Variants in NRXN1 observed in about 807,000 individuals in gnomAD.
The protein encoded by NRXN1 is neurexin 1, also known as neurexin-1.
A neutral mutation model predicts 150.9 loss-of-function variants in NRXN1; 39 were observed. That is an observed-to-expected ratio of 0.26 (90% CI 0.20 to 0.34). The LOEUF (loss-of-function observed/expected upper bound fraction) is 0.34, where lower values mean the gene tolerates loss of function less well. Ranked by LOEUF, NRXN1 falls within the 10% of genes least tolerant of loss-of-function variation. NRXN1 has a pLI of 1.00. For missense variants in NRXN1, 1,815 were observed against 1,949.9 expected (o/e 0.93, Z 1.30); for synonymous variants, 924 against 757.0 (o/e 1.22, Z -3.62).
At chr2:50,312,636 G>A (rs967617800) in intron 17 of NRXN1, 4 of 462,180 alleles carry the variant, frequency 8.7e-6, no homozygotes, top group African/African-American at 7.9e-5. Flanking sequence ...TAAACCTGAG[G>A]TATGTTTTGG....
chr2:50,247,013 A>G (rs2066562009), intron 17 of NRXN1, among the ~76,000 whole-genome samples: 1 of 152,094 alleles, frequency 6.6e-6, no homozygotes, highest in Non-Finnish European at 1.5e-5. Context: ...TTCAATGATG[A>G]ATACCATAAG....
chr2:50,720,121 C>A (rs1696439491), intron 5 of NRXN1, among the ~76,000 whole-genome samples: 2 of 152,090 alleles, frequency 1.3e-5, no homozygotes, highest in African/African-American at 4.8e-5. Context: ...ATCTGTCCAG[C>A]AAGTGGTCTG....
In NRXN1 at chr2:50,497,835, T is replaced by A. The variant is rs539320256; in HGVS notation, c.2498-121A>T. On this transcript the variant is annotated intron_variant, in intron 13 of 22. Transcript: ENST00000401669. ...GCCAAATCCCTCCTTGGTACTCAGT[T>A]GCATATAGGAAGAACACTTAAATGA... The A allele has an allele frequency of 3.6e-6, 3 of 825,256 alleles. No individual in the cohort carries two copies. In the South Asian group the frequency reaches 5.8e-5, roughly 16 times the overall value. The allele number at this position is 825,256 out of a possible 1,614,324, so 51.1% of individuals were successfully genotyped here. A position where few individuals can be genotyped will look rare whatever the true frequency, so the allele number is the denominator to read the frequency against.
rs183440866 is a variant in NRXN1 at position 50,053,292 on chromosome 2, C to T, written c.4107G>A (p.Pro1369=). ...TCACCTGGCTAATGGGTTCTTTTGT[C>T]GGGGGCTTTCCTCTTCTGGCTGTGC... ...ATSTARRGKP[P]TKEPISQTTD... is the part of the protein sequence containing the mutation. The change falls in exon 21 of 23, where the codon CCG becomes CCA. Residue 1369 remains proline (P), a synonymous_variant. Coordinates refer to ENST00000401669, the MANE Select transcript of NRXN1 (RefSeq NM_001330078.2). 139 of 1,613,900 alleles carry T rather than the reference C, an allele frequency of 8.6e-5. No individual in the cohort carries two copies. In the African/African-American group the frequency reaches 1.5e-3, roughly 17 times the overall value.
At chr2:49,945,787 T>C (rs529104018) in intron 21 of NRXN1, among the ~76,000 whole-genome samples, 74 of 152,332 alleles carry the variant, frequency 4.9e-4, no homozygotes, top group South Asian at 1.4e-3. Context: ...CAGTCTATCA[T>C]TGATGAGCAT....
intron 5 of NRXN1, among the ~76,000 whole-genome samples, chr2:50,664,439 G>GTGTGT (rs56969621): frequency 1.4e-5 from 2 of 145,036 alleles, no homozygotes; most frequent in African/African-American, 5.1e-5. Flanking sequence ...GTGTGTGTGT[G>GTGTGT]GCGTGGCGGG....
intron 17 of NRXN1, among the ~76,000 whole-genome samples, chr2:50,262,850 C>G (rs940843210): frequency 6.6e-6 from 1 of 151,916 alleles, no homozygotes; most frequent in African/African-American, 2.4e-5. Flanking sequence ...CAATGTTCAC[C>G]AAAATTATAG....
chr2:50,388,876 T>C (rs926673796), intron 17 of NRXN1, among the ~76,000 whole-genome samples: 7 of 151,792 alleles, frequency 4.6e-5, no homozygotes, highest in African/African-American at 1.7e-4. Flanking sequence ...AAAAAAAAAA[T>C]ATTGTTACTT....
chr2:50,346,929 C>A lies in NRXN1; in HGVS notation c.3365-109959G>T. The stretch of plus-strand genomic sequence containing the variant: ...CGGGCGAGCCCAGCTCGGCGCCGCA[C>A]CGGAGCATCCTCTGGTACATGGCGG... On this transcript the variant is annotated intron_variant, in intron 17 of 22. Transcript: ENST00000401669. The surrounding 1 kb of genome is among the most constrained non-coding windows in gnomAD (Gnocchi z 5.0). 7.6e-7 allele frequency: 1 copy of A among 1,317,692 alleles called. No individual in the cohort carries two copies. Among genetic ancestry groups the A allele is most frequent in the South Asian group, 1.8e-5 (1 of 55,998 alleles). The allele number at this position is 1,317,692 out of a possible 1,614,324, so 81.6% of individuals were successfully genotyped here.
At chr2:50,531,002 C>A (rs1046899565) in intron 11 of NRXN1, among the ~76,000 whole-genome samples, 1 of 151,824 alleles carries the variant, frequency 6.6e-6, no homozygotes, top group Admixed American at 6.6e-5. Context: ...CTTTTAAGAA[C>A]CCTCAGTGGT....
chr2:50,056,860 A>G (rs1693725793), intron 19 of NRXN1, among the ~76,000 whole-genome samples: 1 of 152,158 alleles, frequency 6.6e-6, no homozygotes, highest in Non-Finnish European at 1.5e-5. Flanking sequence ...TTGTCACTCA[A>G]TACTCATACC....
At chr2:50,042,231 C>A (rs945684957) in intron 21 of NRXN1, among the ~76,000 whole-genome samples, 4 of 152,080 alleles carry the variant, frequency 2.6e-5, no homozygotes, top group African/African-American at 9.7e-5. Flanking sequence ...TTGGCTGTGT[C>A]CCCACCCAAA....
chr2:50,330,522 C>T (rs909422051), intron 17 of NRXN1, among the ~76,000 whole-genome samples: 1 of 152,056 alleles, frequency 6.6e-6, no homozygotes, highest in Non-Finnish European at 1.5e-5. Context: ...CTCCCAATAC[C>T]TACTCCTAAC....
chr2:50,217,593 A>T (rs1229712196), intron 18 of NRXN1, among the ~76,000 whole-genome samples: 1 of 152,010 alleles, frequency 6.6e-6, no homozygotes, highest in Non-Finnish European at 1.5e-5. Context: ...ATGCCTAAAG[A>T]GATGGACAGA....
intron 5 of NRXN1, among the ~76,000 whole-genome samples, chr2:50,883,338 A>T (rs1227732776): frequency 6.6e-5 from 10 of 151,666 alleles, no homozygotes; most frequent in Non-Finnish European, 1.3e-4. Context: ...TGCTACTGAA[A>T]TTGACATTGC....
chr2:50,826,342 A>G (rs1670443680), intron 5 of NRXN1, among the ~76,000 whole-genome samples: 1 of 152,202 alleles, frequency 6.6e-6, no homozygotes, highest in Non-Finnish European at 1.5e-5. Flanking sequence ...TAAAGTATGT[A>G]AGAAAAGCAA....
intron 5 of NRXN1, among the ~76,000 whole-genome samples, chr2:50,751,123 G>GC (rs1199681184): frequency 1.3e-5 from 2 of 151,922 alleles, no homozygotes; most frequent in African/African-American, 4.8e-5. Flanking sequence ...CATAAATTGG[G>GC]CCTCTGAAAG....
At chr2:50,990,815 T>C (rs574207938) in intron 2 of NRXN1, among the ~76,000 whole-genome samples, 8 of 152,018 alleles carry the variant, frequency 5.3e-5, no homozygotes, top group Non-Finnish European at 1.0e-4. Flanking sequence ...AGTGTCGTAG[T>C]GCTGCACTAA....
chr2:50,638,273 T>G (rs1029674806), intron 5 of NRXN1, among the ~76,000 whole-genome samples: 4 of 152,124 alleles, frequency 2.6e-5, no homozygotes, highest in African/African-American at 9.7e-5. Flanking sequence ...ATATTATTAT[T>G]TTTTTAGTTT....
Sources: gnomAD v4.1 joint callset for allele counts (sites outside exome capture counted in the v4.1 genomes callset) on GRCh38, gnomAD v4.1.1 for gene constraint, Gnocchi (gnomAD v3.1) non-coding constraint, MANE v1.5 for transcripts, NCBI Gene and HGNC (gene_info 2026-07-23, HGNC 2026-07-21) for gene names.